Variants in ANK1 observed in about 807,000 individuals in gnomAD.
The protein encoded by ANK1 is ankyrin-1.
Under a neutral mutation model 210.4 loss-of-function variants are expected in ANK1, and 51 were observed. That is an observed-to-expected ratio of 0.24 (90% CI 0.19 to 0.31). The LOEUF is 0.31. Ranked by LOEUF, ANK1 falls within the 10% of genes least tolerant of loss-of-function variation. The pLI is 1.00. For missense variants in ANK1, 2,051 were observed against 2,504.4 expected (o/e 0.82, Z 3.86); for synonymous variants, 967 against 1,025.9 (o/e 0.94, Z 1.10).
At chr8:41,690,090 C>A in intron 33 of ANK1, 137 bp downstream of exon 33, 1 of 1,398,686 alleles carries the variant, frequency 7.1e-7, no homozygotes, top group Admixed American at 1.8e-5. Context: ...GAGAGCTCAG[C>A]ACCTTTGCAT....
In ANK1 at chr8:41,692,698, G is replaced by GGGT; in HGVS notation, c.3805_3807dup (p.Thr1269dup). 1 of 1,614,020 alleles carries GGGT rather than the reference G, an allele frequency of 6.2e-7. No individual in the cohort carries two copies. Among genetic ancestry groups the GGGT allele is most frequent in the Non-Finnish European group, 8.5e-7 (1 of 1,180,014 alleles). ...TCCACGAAGTTCTCATGCTGCTCCAGGGTCTTGTCCACTTTATCATCTGTC... is the reference window on the plus strand; with the variant it reads ...TCCACGAAGTTCTCATGCTGCTCCAGGGTGGTCTTGTCCACTTTATCATCTGTC... On this transcript the variant is annotated inframe_insertion, in exon 31 of 43. Coordinates refer to ENST00000289734, the MANE Select transcript of ANK1 (RefSeq NM_000037.4).
At chr8:41,783,243 C>T (rs371870083) in intron 1 of ANK1, among the ~76,000 whole-genome samples, 7 of 152,210 alleles carry the variant, frequency 4.6e-5, no homozygotes, top group Non-Finnish European at 7.3e-5. Flanking sequence ...GTCCTACTCC[C>T]GGTCCATGCA....
At position 41,773,516 on chromosome 8, in the gene ANK1, G is replaced by A. The variant is rs1843375158; in HGVS notation, c.28-15379C>T. On this transcript the variant is annotated intron_variant, in intron 1 of 42. Transcript: ENST00000289734. Reference sequence around the variant, plus strand: ...CTGTCCTTCCAAAGGGATCTCTTGGGTTACAGGCCCACTCTTTGGCATGGC... The same window carrying A: ...CTGTCCTTCCAAAGGGATCTCTTGGATTACAGGCCCACTCTTTGGCATGGC... Among the ~76,000 whole-genome samples, 5 of 152,096 alleles carry A rather than the reference G, an allele frequency of 3.3e-5. 1 individual carries two copies. The highest frequency in any genetic ancestry group is 2.6e-4 in the Admixed American group (4 of 15,266).
At position 41,684,642 on chromosome 8, in the gene ANK1, A is replaced by G. The variant is rs977450127; in HGVS notation, c.4439T>C (p.Val1480Ala). 6 of 1,613,740 alleles carry G rather than the reference A, an allele frequency of 3.7e-6. No individual in the cohort carries two copies. Among genetic ancestry groups the G allele is most frequent in the African/African-American group, 1.3e-5 (1 of 74,874 alleles). The change falls in exon 37 of 43, where the codon GTG becomes GCG. Residue 1480 changes from valine (V) to alanine (A), a missense_variant. By Grantham distance (64) the Val-to-Ala change is moderately conservative (BLOSUM62 0). Coordinates refer to ENST00000289734, the MANE Select transcript of ANK1 (RefSeq NM_000037.4). ...ALQSIDRGEI[V>A]NMLEGSGRQS... Reference sequence around the variant, plus strand: ...TCGGCCGGAACCCTCCAGCATGTTCACGATCTCGCCACGGTCAATGCTCTG... The same window carrying G: ...TCGGCCGGAACCCTCCAGCATGTTCGCGATCTCGCCACGGTCAATGCTCTG...
chr8:41,752,801 C>CG (rs943829287), intron 2 of ANK1, among the ~76,000 whole-genome samples: 1 of 151,606 alleles, frequency 6.6e-6, no homozygotes, highest in African/African-American at 2.4e-5. Flanking sequence ...CACACAGGCC[C>CG]CCCCCCACTG....
chr8:41,675,245 C>T (rs57427874), intron 37 of ANK1, among the ~76,000 whole-genome samples: 2,329 of 152,190 alleles, frequency 0.015, 62 homozygotes, highest in African/African-American at 0.054. Context: ...TACAGGTATG[C>T]GCCATGACGC....
At chr8:41,891,099 G>A (rs981065429) in intron 1 of ANK1, among the ~76,000 whole-genome samples, 7 of 152,122 alleles carry the variant, frequency 4.6e-5, no homozygotes, top group African/African-American at 1.4e-4. Flanking sequence ...TCTTGCAGGC[G>A]ACAGTGTTGG....
intron 1 of ANK1, among the ~76,000 whole-genome samples, chr8:41,767,745 G>A (rs1033435972): frequency 1.3e-5 from 2 of 152,134 alleles, no homozygotes; most frequent in African/African-American, 4.8e-5. Flanking sequence ...CCCTGCGGAG[G>A]GGAGGCACAC....
At chr8:41,674,435 G>A (rs1390918257) in intron 37 of ANK1, among the ~76,000 whole-genome samples, 2 of 152,124 alleles carry the variant, frequency 1.3e-5, no homozygotes, top group East Asian at 1.9e-4. Flanking sequence ...AGGGTCCCTC[G>A]CTAAGGCGGT....
intron 6 of ANK1, 89 bp from the exon 7 acceptor site, chr8:41,724,643 G>A: frequency 8.3e-7 from 1 of 1,210,796 alleles, no homozygotes; most frequent in South Asian, 1.3e-5. Context: ...CTCAGGTGGG[G>A]CAACAGGACT....
intron 1 of ANK1, among the ~76,000 whole-genome samples, chr8:41,827,840 C>T (rs1051527997): frequency 6.6e-6 from 1 of 150,856 alleles, no homozygotes; most frequent in Non-Finnish European, 1.5e-5. Flanking sequence ...CTCACACATG[C>T]ACACACGCAT....
In ANK1 at chr8:41,690,675, T is replaced by C. The variant is rs1304410839; in HGVS notation, c.3859-76A>G. ...ATGTCCCTCCTTCCACCTTCGGTCC[T>C]TCCCTCTCCAAGACACACCCTGCCT... is the stretch of plus-strand genomic sequence containing the variant. On this transcript the variant is annotated intron_variant, in intron 31 of 42. Coordinates refer to ENST00000289734, the MANE Select transcript of ANK1 (RefSeq NM_000037.4). 43 of 1,563,276 alleles carry C rather than the reference T, an allele frequency of 2.8e-5. No individual in the cohort carries two copies. In the Middle Eastern group the frequency reaches 5.2e-4, roughly 19 times the overall value.
Position 41,710,988 on chromosome 8 carries a change from C to T in ANK1, c.1801-2013G>A, listed in dbSNP as rs1013621285. 3.3e-5 allele frequency among the ~76,000 whole-genome samples: 5 copies of T among 152,318 alleles called. No homozygotes were observed. The South Asian group carries it at 6.2e-4, about 19-fold the overall frequency. On this transcript the variant is annotated intron_variant, in intron 16 of 42. Coordinates refer to ENST00000289734, the MANE Select transcript of ANK1 (RefSeq NM_000037.4). ...TCTTTGAAGAATGACATGAGATAAT[C>T]CTTTCTAGTATTCTTCCTTTTTAAT...
chr8:41,818,173 A>T (rs1351260643), intron 1 of ANK1, among the ~76,000 whole-genome samples: 1 of 152,208 alleles, frequency 6.6e-6, no homozygotes, highest in East Asian at 1.9e-4. Flanking sequence ...GTACCCCAAC[A>T]CCAAGACTCA....
intron 1 of ANK1, among the ~76,000 whole-genome samples, chr8:41,815,638 C>T (rs566071567): frequency 6.6e-6 from 1 of 152,218 alleles, no homozygotes; most frequent in South Asian, 2.1e-4. Flanking sequence ...TCCTTGTATA[C>T]TTTCTATGCA....
In ANK1 at chr8:41,755,158, G is replaced by A. The variant is rs141393761; in HGVS notation, c.129+2878C>T. On this transcript the variant is annotated intron_variant, in intron 2 of 42. Transcript: ENST00000289734. Reference sequence around the variant, plus strand: ...ACTTGTCACTGGCGCTGAGCCAATCGGAAATGGTGTCAATAAAGTGCAAAT... The same window carrying A: ...ACTTGTCACTGGCGCTGAGCCAATCAGAAATGGTGTCAATAAAGTGCAAAT... Among the ~76,000 whole-genome samples, 12 of 152,360 alleles carry A rather than the reference G, an allele frequency of 7.9e-5. No homozygotes were observed. In the East Asian group the frequency reaches 9.6e-4, roughly 12 times the overall value.
chr8:41,818,810 T>C (rs536752866), intron 1 of ANK1, among the ~76,000 whole-genome samples: 1 of 152,228 alleles, frequency 6.6e-6, no homozygotes, highest in East Asian at 1.9e-4. Context: ...GTGTCCTTGG[T>C]TGAATTCTTT....
chr8:41,703,450 A>ATATATATATTTTTTTTTTTTTTT (rs59985416), intron 20 of ANK1, among the ~76,000 whole-genome samples: 4 of 58,820 alleles, frequency 6.8e-5, no homozygotes, highest in African/African-American at 3.6e-4. Flanking sequence ...ATATATATAT[A>ATATATATATTTTTTTTTTTTTTT]TTTTTTTTTT....
chr8:41,702,958 T>C (rs929586135), intron 20 of ANK1, among the ~76,000 whole-genome samples: 1 of 151,764 alleles, frequency 6.6e-6, no homozygotes, highest in African/African-American at 2.4e-5. Flanking sequence ...TAGCTGGGAC[T>C]ACAGGTGCCT....
Sources: gnomAD v4.1 joint callset for allele counts (sites outside exome capture counted in the v4.1 genomes callset) on GRCh38, gnomAD v4.1.1 for gene constraint, MANE v1.5 for transcripts, NCBI Gene and HGNC (gene_info 2026-07-23, HGNC 2026-07-21) for gene names.